Variants in SLIT3 observed in about 807,000 individuals in gnomAD.
The protein encoded by SLIT3 is slit guidance ligand 3.
In SLIT3, 68 loss-of-function variants were observed where a neutral mutation model predicts 184.0. The ratio of observed to expected loss-of-function variants is 0.37; its 90% confidence interval spans 0.30 to 0.45. The LOEUF is 0.45. Among genes scored for constraint, SLIT3 ranks in the 20% least tolerant of loss-of-function variants. The probability of loss-of-function intolerance (pLI) is 1.00; values close to 1 mark genes in which losing one functional copy is unlikely to be tolerated. For missense variants in SLIT3, 1,707 were observed against 2,026.0 expected, an observed-to-expected ratio of 0.84 and a Z score of 3.02; for synonymous variants, 831 against 828.6, an observed-to-expected ratio of 1.00 and a Z score of -0.05.
At chr5:168,788,197 G>A (rs141506822) in intron 11 of SLIT3, among the ~76,000 whole-genome samples, 302 of 152,262 alleles carry the variant, frequency 2.0e-3, no homozygotes, top group African/African-American at 6.8e-3. Flanking sequence ...GGTGGCAGAC[G>A]GCTCCTCTCC....
chr5:168,755,648 C>A (rs1362433873), intron 16 of SLIT3, among the ~76,000 whole-genome samples: 2 of 152,016 alleles, frequency 1.3e-5, no homozygotes, highest in African/African-American at 4.8e-5. Flanking sequence ...GTTGGCCAGG[C>A]TGGTCTCCAA....
intron 1 of SLIT3, among the ~76,000 whole-genome samples, chr5:169,293,491 G>A (rs992185310): frequency 6.6e-6 from 1 of 152,128 alleles, no homozygotes; most frequent in Non-Finnish European, 1.5e-5. Context: ...GCTCTGATAG[G>A]AGGTCTACAC....
At chr5:169,049,583 A>G (rs773290592) in intron 4 of SLIT3, among the ~76,000 whole-genome samples, 2 of 152,226 alleles carry the variant, frequency 1.3e-5, no homozygotes, top group Non-Finnish European at 2.9e-5. Flanking sequence ...TCAAATAGTC[A>G]GGAACAGAAC....
At chr5:168,861,239 A>C (rs568635272) in intron 5 of SLIT3, among the ~76,000 whole-genome samples, 10 of 152,134 alleles carry the variant, frequency 6.6e-5, no homozygotes, top group East Asian at 1.9e-4. Flanking sequence ...TGTATCTCCT[A>C]ATGCTTTCCC....
chr5:169,077,488 G>A (rs549324747), intron 4 of SLIT3, among the ~76,000 whole-genome samples: 5 of 151,662 alleles, frequency 3.3e-5, no homozygotes, highest in Non-Finnish European at 5.9e-5. Flanking sequence ...GCAGTGAGCC[G>A]AGATCACACC....
At chr5:168,720,628 T>TA in intron 23 of SLIT3, 1 of 152,272 alleles carries the variant, frequency 6.6e-6, no homozygotes, top group East Asian at 1.9e-4. Context: ...TGGCCAGTGA[T>TA]ACGAGCCCAT....
chr5:168,968,720 C>T (rs1754437665), intron 4 of SLIT3, among the ~76,000 whole-genome samples: 1 of 152,214 alleles, frequency 6.6e-6, no homozygotes, highest in Non-Finnish European at 1.5e-5. Context: ...TAACTTCACA[C>T]TGTCTTGGCT....
intron 8 of SLIT3, among the ~76,000 whole-genome samples, chr5:168,812,357 A>C (rs550040177): frequency 6.6e-6 from 1 of 152,346 alleles, no homozygotes; most frequent in East Asian, 1.9e-4. Flanking sequence ...GAGCATTTTG[A>C]ATGTTCCCAA....
At chr5:169,028,675 C>T (rs79347565) in intron 4 of SLIT3, among the ~76,000 whole-genome samples, 3,395 of 152,306 alleles carry the variant, frequency 0.022, 146 homozygotes, top group African/African-American at 0.077. Context: ...GAGGTCCATA[C>T]ATTTCATTTT....
At chr5:168,776,074 G>A (rs1755736217) in intron 12 of SLIT3, among the ~76,000 whole-genome samples, 1 of 152,192 alleles carries the variant, frequency 6.6e-6, no homozygotes, top group South Asian at 2.1e-4. Context: ...TTCGAGGCTG[G>A]TTCAGCCCCT....
intron 4 of SLIT3, among the ~76,000 whole-genome samples, chr5:169,147,180 A>T (rs1329373800): frequency 6.6e-6 from 1 of 152,226 alleles, no homozygotes; most frequent in Non-Finnish European, 1.5e-5. Context: ...CCTTTCACCA[A>T]ATTTGTTCCA....
intron 4 of SLIT3, among the ~76,000 whole-genome samples, chr5:169,072,622 T>C (rs937511577): frequency 1.3e-5 from 2 of 152,236 alleles, no homozygotes; most frequent in African/African-American, 4.8e-5. Flanking sequence ...TATCATCATT[T>C]TGACATAGCC....
intron 4 of SLIT3, among the ~76,000 whole-genome samples, chr5:169,129,739 A>G (rs1190678716): frequency 6.6e-6 from 1 of 152,158 alleles, no homozygotes; most frequent in African/African-American, 2.4e-5. Context: ...AGAGAAGAGG[A>G]TATTAATGGG....
At chr5:169,176,184 G>A (rs1762978192) in intron 4 of SLIT3, among the ~76,000 whole-genome samples, 1 of 152,136 alleles carries the variant, frequency 6.6e-6, no homozygotes, top group Admixed American at 6.5e-5. Flanking sequence ...CTGCTCACAT[G>A]TCTCCTCTCA....
chr5:169,096,374 T>G (rs1049393369), intron 4 of SLIT3, among the ~76,000 whole-genome samples: 2 of 152,242 alleles, frequency 1.3e-5, no homozygotes, highest in Non-Finnish European at 2.9e-5. Context: ...TATTGTTTTC[T>G]AATTGTTTAG....
chr5:168,739,736 G>T (rs779150503), intron 20 of SLIT3, among the ~76,000 whole-genome samples: 1 of 152,124 alleles, frequency 6.6e-6, no homozygotes, highest in South Asian at 2.1e-4. Flanking sequence ...GTGAGCCACC[G>T]CACCCGGCTC....
chr5:168,833,598 T>C (rs1293942653), intron 6 of SLIT3, among the ~76,000 whole-genome samples: 1 of 152,234 alleles, frequency 6.6e-6, no homozygotes, highest in Non-Finnish European at 1.5e-5. Context: ...TCATGCTGAA[T>C]GCAAAACGTT....
chr5:169,150,026 G>C (rs1300420576), intron 4 of SLIT3, among the ~76,000 whole-genome samples: 1 of 152,208 alleles, frequency 6.6e-6, no homozygotes, highest in African/African-American at 2.4e-5. Context: ...CACGTGGCCA[G>C]TGTGTGGGAT....
At chr5:168,828,687 A>T (rs1311926883) in intron 6 of SLIT3, among the ~76,000 whole-genome samples, 1 of 148,840 alleles carries the variant, frequency 6.7e-6, no homozygotes, top group Admixed American at 6.7e-5. Context: ...AGAAAAAAAA[A>T]TGTGGTCTCT....
Sources: allele counts gnomAD v4.1 joint callset (sites outside exome capture counted in the v4.1 genomes callset), GRCh38; gene constraint gnomAD v4.1.1; transcripts MANE v1.5; gene names NCBI Gene and HGNC (gene_info 2026-07-23, HGNC 2026-07-21).